Variants in UBE2D2 observed in about 807,000 individuals in gnomAD.
UBE2D2 encodes the protein ubiquitin-conjugating enzyme E2 D2.
UBE2D2 carries 2 observed loss-of-function variants against 24.2 expected under a neutral mutation model. The ratio of observed to expected loss-of-function variants is 0.08; its 90% CI spans 0.03 to 0.26. The LOEUF is 0.26. Among genes scored for constraint, UBE2D2 ranks in the 10% least tolerant of loss-of-function variants. The pLI is 1.00. For missense variants in UBE2D2, 44 were observed against 177.6 expected (o/e 0.25, Z 4.28); for synonymous variants, 58 against 56.5 (o/e 1.03, Z -0.12).
At chr5:139,572,052 C>A (rs1753361936) in intron 1 of UBE2D2, among the ~76,000 whole-genome samples, 3 of 152,120 alleles carry the variant, frequency 2.0e-5, no homozygotes, top group Admixed American at 1.3e-4. Context: ...AAAGAATAGT[C>A]TATTCACTGT....
intron 5 of UBE2D2, among the ~76,000 whole-genome samples, chr5:139,622,175 C>G (rs1473907200): frequency 1.3e-5 from 2 of 152,158 alleles, no homozygotes; most frequent in African/African-American, 4.8e-5. Flanking sequence ...ATATTTGTAT[C>G]TGGGAGACCA....
chr5:139,602,166 C>CAT (rs1286113408), intron 2 of UBE2D2, among the ~76,000 whole-genome samples: 1 of 152,014 alleles, frequency 6.6e-6, no homozygotes, highest in Non-Finnish European at 1.5e-5. Context: ...ATTCTCCTGC[C>CAT]TCAGCCTTCC....
chr5:139,606,945 C>T (rs1340082464), intron 2 of UBE2D2, among the ~76,000 whole-genome samples: 2 of 152,144 alleles, frequency 1.3e-5, no homozygotes, highest in Non-Finnish European at 2.9e-5. Flanking sequence ...GCTGGGATTA[C>T]GGGTGCCTGC....
At chr5:139,594,671 C>T (rs1753923006) in intron 1 of UBE2D2, among the ~76,000 whole-genome samples, 1 of 152,146 alleles carries the variant, frequency 6.6e-6, no homozygotes, top group Admixed American at 6.6e-5. Flanking sequence ...ACCTCGACCT[C>T]CCAAAGTGCT....
At chr5:139,622,064 A>C (rs1313633214) in intron 5 of UBE2D2, among the ~76,000 whole-genome samples, 1 of 152,180 alleles carries the variant, frequency 6.6e-6, no homozygotes, top group East Asian at 1.9e-4. Flanking sequence ...ACGTCACTGC[A>C]CCTGTCTGGG....
intron 6 of UBE2D2, among the ~76,000 whole-genome samples, chr5:139,626,300 G>A (rs1229067188): frequency 6.6e-6 from 1 of 151,164 alleles, no homozygotes; most frequent in Non-Finnish European, 1.5e-5. Flanking sequence ...AAACGCCTGG[G>A]CTCAAGTGAT....
At position 139,623,436 on chromosome 5, in the gene UBE2D2, C is replaced by A; in HGVS notation, c.373C>A (p.Arg125=). 1 of 1,603,250 alleles carries A rather than the reference C, an allele frequency of 6.2e-7. No individual in the cohort carries two copies. Among genetic ancestry groups the A allele is most frequent in the Non-Finnish European group, 8.5e-7 (1 of 1,171,792 alleles). Residue 125 remains arginine, a synonymous_variant, in exon 6 of 7, where the codon CGG becomes AGG. Transcript: ENST00000398733. ...TGATCCTTTAGTGCCTGAGATTGCT[C>A]GGATCTACAAAACAGATAGAGAAAA... The part of the protein sequence containing the change: ...PDDPLVPEIA[R]IYKTDREKYN...
intron 2 of UBE2D2, among the ~76,000 whole-genome samples, chr5:139,604,819 G>A (rs536752052): frequency 3.2e-4 from 49 of 151,856 alleles, no homozygotes; most frequent in Admixed American, 2.0e-3. Context: ...GTTTGAGGCT[G>A]CAGTGAGCTA....
At chr5:139,541,599 C>CAAAAAAAAAAAAAAAAAAAAAAA (rs892398676) in intron 1 of UBE2D2, among the ~76,000 whole-genome samples, 1 of 58,438 alleles carries the variant, frequency 1.7e-5, no homozygotes, top group Non-Finnish European at 3.2e-5. Context: ...GACTCCATTT[C>CAAAAAAAAAAAAAAAAAAAAAAA]AAAAAAAAAA....
rs2126652031 is a variant in UBE2D2 at position 139,567,797 on chromosome 5, G to GTGC, written c.24+5985_24+5987dup. ...GATCCACCCGCCTCGACCTCCCAAA[G>GTGC]TGCTGGGATTACAGGCGTGAGCCAC... On this transcript the variant is annotated intron_variant, in intron 1 of 6. Coordinates refer to ENST00000398733, the MANE Select transcript of UBE2D2 (RefSeq NM_003339.3). 2.0e-5 allele frequency among the ~76,000 whole-genome samples: 3 copies of GTGC among 152,282 alleles called. No homozygotes were observed. In the South Asian group the frequency reaches 6.2e-4, roughly 32 times the overall value.
In UBE2D2 at chr5:139,568,341, CA is replaced by C. The variant is rs111902455; in HGVS notation, c.24+6539del. The stretch of plus-strand genomic sequence containing the variant: ...CCTTTGCAACAGCGAGACTCCATCT[CA>C]AAAAAAAAAAAATTGCTTAAAAATA... On this transcript the variant is annotated intron_variant, in intron 1 of 6. Coordinates refer to ENST00000398733, the MANE Select transcript of UBE2D2 (RefSeq NM_003339.3). Among the ~76,000 whole-genome samples the C allele has an allele frequency of 8.4e-3, 1,166 of 138,000 alleles. 22 individuals are homozygous for C. Among genetic ancestry groups the C allele is most frequent in the Middle Eastern group, 0.028 (7 of 254 alleles). The allele number at this position is 138,000 out of a possible 152,430, so 90.5% of individuals were successfully genotyped here. A position where few individuals can be genotyped will look rare whatever the true frequency, so the allele number is the denominator to read the frequency against.
At chr5:139,576,462 G>C (rs1753470981) in intron 1 of UBE2D2, among the ~76,000 whole-genome samples, 1 of 151,852 alleles carries the variant, frequency 6.6e-6, no homozygotes. Context: ...CATTAAACTT[G>C]CCCATCCACG....
chr5:139,577,638 TC>T (rs1335277974), intron 1 of UBE2D2, among the ~76,000 whole-genome samples: 1 of 152,186 alleles, frequency 6.6e-6, no homozygotes, highest in Non-Finnish European at 1.5e-5. Context: ...GGTCTCGAAC[TC>T]CTGACCTCAG....
intron 2 of UBE2D2, among the ~76,000 whole-genome samples, chr5:139,613,046 A>G (rs41391051): frequency 0.015 from 2,268 of 152,328 alleles, 32 homozygotes; most frequent in Middle Eastern, 0.065. Flanking sequence ...TTAAATGGTC[A>G]GCAGAGAGTA....
chr5:139,623,911 G>A (rs557331385), intron 6 of UBE2D2, among the ~76,000 whole-genome samples: 4 of 152,116 alleles, frequency 2.6e-5, no homozygotes, highest in Non-Finnish European at 4.4e-5. Flanking sequence ...GGCTGGTTTC[G>A]AACTCCTGAC....
At chr5:139,610,881 A>C (rs1272106193) in intron 2 of UBE2D2, among the ~76,000 whole-genome samples, 2 of 152,090 alleles carry the variant, frequency 1.3e-5, no homozygotes, top group Admixed American at 1.3e-4. Flanking sequence ...AGAGCAGTGT[A>C]CAAGCAGTGG....
intron 1 of UBE2D2, among the ~76,000 whole-genome samples, chr5:139,545,394 A>G (rs1413101931): frequency 7.1e-6 from 1 of 139,994 alleles, no homozygotes; most frequent in Non-Finnish European, 1.6e-5. Flanking sequence ...TTTTTTTACT[A>G]TTGCGTGTTA....
rs181844319 is a variant in UBE2D2, at chr5:139,590,443, T to G, written c.25-9929T>G. ...GAGCAAGACTCTGTCTCAAAAAAAATAAAAAAAAAAAAAAGAAAGAAAAAG... is the reference window on the plus strand; with the variant it reads ...GAGCAAGACTCTGTCTCAAAAAAAAGAAAAAAAAAAAAAAGAAAGAAAAAG... On this transcript the variant is annotated intron_variant, in intron 1 of 6. Transcript: ENST00000398733. 7.2e-3 allele frequency among the ~76,000 whole-genome samples: 689 copies of G among 95,054 alleles called. 5 individuals carry two copies. The highest frequency in any genetic ancestry group is 0.024 in the African/African-American group (654 of 27,054). 62.4% of individuals were successfully genotyped at this position (95,054 alleles called of 152,430 possible). A position where few individuals can be genotyped will look rare whatever the true frequency, so the allele number is the denominator to read the frequency against.
intron 1 of UBE2D2, among the ~76,000 whole-genome samples, chr5:139,552,096 C>A (rs548711799): frequency 6.6e-6 from 1 of 151,944 alleles, no homozygotes; most frequent in South Asian, 2.1e-4. Context: ...TGAGTTACTA[C>A]AAACTGACAA....
Sources: gnomAD v4.1 joint callset for allele counts (sites outside exome capture counted in the v4.1 genomes callset) on GRCh38, gnomAD v4.1.1 for gene constraint, MANE v1.5 for transcripts, NCBI Gene and HGNC (gene_info 2026-07-23, HGNC 2026-07-21) for gene names.